The following BMPR2 variants were observed in gnomAD, a reference collection of about 807,000 sequenced individuals.
BMPR2 encodes bone morphogenetic protein receptor type-2.
In BMPR2, 29 loss-of-function variants were observed where a neutral mutation model predicts 100.8. The ratio of observed to expected loss-of-function variants is 0.29; its 90% CI spans 0.21 to 0.39. The LOEUF (loss-of-function observed/expected upper bound fraction) is 0.39. BMPR2 is among the 10% of genes least tolerant of loss of function. The probability of loss-of-function intolerance (pLI) is 1.00; values close to 1 mark genes in which losing one functional copy is unlikely to be tolerated. For synonymous variants in BMPR2, 382 were observed against 442.3 expected (o/e 0.86, Z 1.71); for missense variants, 1,011 against 1,274.5 (o/e 0.79, Z 3.15).
chr2:202,441,709 C>T lies in BMPR2; in HGVS notation c.77-23100C>T, dbSNP rs574610720. On this transcript the variant is annotated intron_variant, in intron 1 of 12. Transcript: ENST00000374580. Reference sequence around the variant, plus strand: ...CTCCAGCCTGGGCGACAGAGCAAGACTCCGTCTCAAAAAAAAAAAAAAAAA... The same window carrying T: ...CTCCAGCCTGGGCGACAGAGCAAGATTCCGTCTCAAAAAAAAAAAAAAAAA... Among the ~76,000 whole-genome samples, 237 of 101,106 alleles carry T rather than the reference C, an allele frequency of 2.3e-3. 10 individuals are homozygous for T. The highest frequency in any genetic ancestry group is 9.6e-3 in the African/African-American group (221 of 22,934). 66.3% of individuals were successfully genotyped at this position (101,106 alleles called of 152,430 possible). A position where few individuals can be genotyped will look rare whatever the true frequency, so the allele number is the denominator to read the frequency against.
chr2:202,537,986 G>A (rs767310343), intron 9 of BMPR2, among the ~76,000 whole-genome samples: 2 of 152,156 alleles, frequency 1.3e-5, no homozygotes, highest in African/African-American at 2.4e-5. Context: ...GACAGGTGCA[G>A]TGGCACACGC....
intron 3 of BMPR2, among the ~76,000 whole-genome samples, chr2:202,472,450 G>A (rs930868993): frequency 4.6e-5 from 7 of 152,114 alleles, no homozygotes; most frequent in Non-Finnish European, 8.8e-5. Flanking sequence ...CCTGAGGTCC[G>A]GAGTTCCATG....
intron 3 of BMPR2, among the ~76,000 whole-genome samples, chr2:202,483,952 G>T (rs1692715260): frequency 6.6e-6 from 1 of 152,092 alleles, no homozygotes; most frequent in Admixed American, 6.6e-5. Context: ...AAGTTAGCTG[G>T]GCATAGTGGT....
intron 1 of BMPR2, among the ~76,000 whole-genome samples, chr2:202,443,685 T>C (rs1404094902): frequency 6.6e-6 from 1 of 150,658 alleles, no homozygotes; most frequent in East Asian, 1.9e-4. Context: ...TGCATCAGCC[T>C]CCCAAGTAGC....
chr2:202,555,205 G>A lies in BMPR2; in HGVS notation c.1587-47G>A, dbSNP rs149083713. The A allele has an allele frequency of 1.6e-4, 242 of 1,529,562 alleles. 3 individuals are homozygous for A. The Middle Eastern group carries it at 2.2e-3, about 14-fold the overall frequency. 94.7% of individuals were successfully genotyped at this position (1,529,562 alleles called of 1,614,324 possible). ...GGTGTTAAATTTGGAGAGACAGTTT[G>A]TCATAAATGTACGTTCTCAATGTGA... On this transcript the variant is annotated intron_variant, in intron 11 of 12. Transcript: ENST00000374580.
At chr2:202,428,256 C>G (rs1271625783) in intron 1 of BMPR2, among the ~76,000 whole-genome samples, 1 of 152,006 alleles carries the variant, frequency 6.6e-6, no homozygotes, top group Non-Finnish European at 1.5e-5. Context: ...GTCCCTATTT[C>G]TCTCTCTCTA....
chr2:202,524,397 A>G (rs1386919655), intron 7 of BMPR2, among the ~76,000 whole-genome samples: 2 of 150,598 alleles, frequency 1.3e-5, no homozygotes, highest in South Asian at 2.1e-4. Context: ...GTTGGGTACT[A>G]TGCTCATTAC....
chr2:202,514,391 C>T, intron 4 of BMPR2, among the ~76,000 whole-genome samples: 1 of 152,216 alleles, frequency 6.6e-6, no homozygotes, highest in Non-Finnish European at 1.5e-5. Flanking sequence ...CCGCCTTGGC[C>T]TCCCAAAGTG....
At chr2:202,426,018 C>T (rs1256502019) in intron 1 of BMPR2, among the ~76,000 whole-genome samples, 3 of 152,070 alleles carry the variant, frequency 2.0e-5, no homozygotes, top group African/African-American at 4.8e-5. Context: ...TTTGAATAGG[C>T]AATTCACAAA....
rs953983884 is a variant in BMPR2 at position 202,495,858 on chromosome 2, A to G, written c.419-17861A>G. On this transcript the variant is annotated intron_variant, in intron 3 of 12. Coordinates refer to ENST00000374580, the MANE Select transcript of BMPR2 (RefSeq NM_001204.7). The surrounding 1 kb of genome is among the most constrained non-coding windows in gnomAD (Gnocchi z 4.5). ...TGTTAAATTTTCTTTTATAAATTTGAGAATAAAAGCAAAGAATGCTGAGCC... is the reference window on the plus strand; with the variant it reads ...TGTTAAATTTTCTTTTATAAATTTGGGAATAAAAGCAAAGAATGCTGAGCC... Among the ~76,000 whole-genome samples, 57 of 152,238 alleles carry G rather than the reference A, an allele frequency of 3.7e-4. 1 individual carries two copies. Among genetic ancestry groups the G allele is most frequent in the Admixed American group, 3.7e-3 (57 of 15,282 alleles).
Position 202,521,761 on chromosome 2 carries a change from T to G in BMPR2, c.967+1560T>G, listed in dbSNP as rs555234381. ...TATGGATGTGTAGGCTAGGAAGATA[T>G]GCAACCAAGGGATTACAGCCATTGC... On this transcript the variant is annotated intron_variant, in intron 7 of 12. Transcript: ENST00000374580. 1.2e-4 allele frequency among the ~76,000 whole-genome samples: 18 copies of G among 152,250 alleles called. 1 individual carries two copies. The highest frequency in any genetic ancestry group is 3.9e-4 in the East Asian group (2 of 5,182).
chr2:202,552,987 A>G, intron 11 of BMPR2, 99 bp downstream of exon 11: 1 of 1,372,806 alleles, frequency 7.3e-7, no homozygotes, highest in East Asian at 2.4e-5. Context: ...CTAATAGTTC[A>G]ATGATTACCT....
chr2:202,395,767 C>G (rs1690645477), intron 1 of BMPR2, among the ~76,000 whole-genome samples: 1 of 151,962 alleles, frequency 6.6e-6, no homozygotes, highest in Non-Finnish European at 1.5e-5. Context: ...AAAACCCCGG[C>G]TCTACTAAAA....
rs1425490323 is a variant in BMPR2 at position 202,420,541 on chromosome 2, T to C, written c.76+42991T>C. ...GCAAACATCTGTAGAAGCATGATTT[T>C]TTTTTTTTTTTTTTTTTTTTTTTTT... On this transcript the variant is annotated intron_variant, in intron 1 of 12. Transcript: ENST00000374580. Among the ~76,000 whole-genome samples, 33 of 77,028 alleles carry C rather than the reference T, an allele frequency of 4.3e-4. 1 individual carries two copies. The highest frequency in any genetic ancestry group is 6.1e-4 in the Non-Finnish European group (24 of 39,408). 50.5% of individuals were successfully genotyped at this position (77,028 alleles called of 152,430 possible).
At chr2:202,461,920 T>A (rs907120762) in intron 1 of BMPR2, among the ~76,000 whole-genome samples, 3 of 152,114 alleles carry the variant, frequency 2.0e-5, no homozygotes, top group Non-Finnish European at 4.4e-5. Flanking sequence ...AATTTCTTTT[T>A]TTATTATTAT....
chr2:202,504,438 C>T (rs1487114701), intron 3 of BMPR2, among the ~76,000 whole-genome samples: 1 of 151,996 alleles, frequency 6.6e-6, no homozygotes, highest in East Asian at 1.9e-4. Flanking sequence ...AGGTCTGCAG[C>T]TTCACTCCTG....
intron 1 of BMPR2, among the ~76,000 whole-genome samples, chr2:202,384,530 C>CTCTTTCTTTCTTTCTTTCTTTCTTTCTT (rs202188126): frequency 1.0e-4 from 11 of 107,714 alleles, no homozygotes; most frequent in African/African-American, 2.1e-4. Flanking sequence ...TTCTTTCTTT[C>CTCTTTCTTTCTTTCTTTCTTTCTTTCTT]TCTTTCTTTC....
chr2:202,465,804 G>C (rs1692308756), intron 2 of BMPR2, among the ~76,000 whole-genome samples: 1 of 151,870 alleles, frequency 6.6e-6, no homozygotes, highest in Non-Finnish European at 1.5e-5. Flanking sequence ...AGTGAGCCGA[G>C]ATCGCACCAC....
rs1317670201 is a variant in BMPR2 at position 202,448,224 on chromosome 2, C to T, written c.77-16585C>T. Among the ~76,000 whole-genome samples, 4 of 150,598 alleles carry T rather than the reference C, an allele frequency of 2.7e-5. No homozygotes were observed. The East Asian group carries it at 8.0e-4, about 30-fold the overall frequency. On this transcript the variant is annotated intron_variant, in intron 1 of 12. Coordinates refer to ENST00000374580, the MANE Select transcript of BMPR2 (RefSeq NM_001204.7). ...CAGCACTTTGGGAGGCCGAGGCGGGCGGATCATGAGGTCAGGATATCAAGA... is the reference window on the plus strand; with the variant it reads ...CAGCACTTTGGGAGGCCGAGGCGGGTGGATCATGAGGTCAGGATATCAAGA...
Sources: gnomAD v4.1 joint callset for allele counts (sites outside exome capture counted in the v4.1 genomes callset) on GRCh38, gnomAD v4.1.1 for gene constraint, Gnocchi (gnomAD v3.1) non-coding constraint, MANE v1.5 for transcripts, NCBI Gene and HGNC (gene_info 2026-07-23, HGNC 2026-07-21) for gene names.